The following ZDHHC2 variants were observed in gnomAD, a reference collection of about 807,000 sequenced individuals.
ZDHHC2 encodes the protein zDHHC palmitoyltransferase 2.
ZDHHC2 carries 51 observed loss-of-function variants against 55.6 expected under a neutral mutation model. The ratio of observed to expected loss-of-function variants is 0.92; its 90% CI spans 0.73 to 1.16. The LOEUF (loss-of-function observed/expected upper bound fraction) is 1.16, where lower values mean the gene tolerates loss of function less well. ZDHHC2 is among the 50% of genes most tolerant of loss of function. ZDHHC2 has a pLI of 0.00. For missense variants in ZDHHC2, 491 were observed against 442.4 expected, an observed-to-expected ratio of 1.11 and a Z score of -0.99; for synonymous variants, 199 against 152.9, an observed-to-expected ratio of 1.30 and a Z score of -2.22.
chr8:17,206,671 A>G (rs1408569442), intron 7 of ZDHHC2, among the ~76,000 whole-genome samples: 1 of 152,216 alleles, frequency 6.6e-6, no homozygotes, highest in Non-Finnish European at 1.5e-5. Flanking sequence ...TATGCTTTAT[A>G]CACTATATAT....
chr8:17,209,899 T>C (rs1244471876), intron 8 of ZDHHC2, 33 bp from the exon 9 acceptor site: 1 of 1,586,380 alleles, frequency 6.3e-7, no homozygotes, highest in East Asian at 2.3e-5. Flanking sequence ...ATATGTTCTT[T>C]ACTCATGTGA....
intron 6 of ZDHHC2, among the ~76,000 whole-genome samples, chr8:17,198,642 G>A (rs189693972): frequency 4.6e-5 from 7 of 152,218 alleles, no homozygotes; most frequent in African/African-American, 1.4e-4. Context: ...AGTTAATATC[G>A]CATGTTAGCT....
At chr8:17,169,876 C>G (rs1460743343) in intron 1 of ZDHHC2, among the ~76,000 whole-genome samples, 1 of 152,000 alleles carries the variant, frequency 6.6e-6, no homozygotes, top group Non-Finnish European at 1.5e-5. Context: ...TAGAACTTCT[C>G]ACTTACATTA....
intron 1 of ZDHHC2, among the ~76,000 whole-genome samples, chr8:17,162,279 A>G (rs1254893711): frequency 6.6e-6 from 1 of 152,226 alleles, no homozygotes; most frequent in African/African-American, 2.4e-5. Flanking sequence ...TAAATGTTGA[A>G]TGAATTAATC....
At position 17,201,479 on chromosome 8, in the gene ZDHHC2, CTCTTTTTTTTTTT is replaced by C. The variant is rs1168490006; in HGVS notation, c.476+3068_476+3080del. Among the ~76,000 whole-genome samples, 484 of 88,230 alleles carry C rather than the reference CTCTTTTTTTTTTT, an allele frequency of 5.5e-3. 10 individuals are homozygous for C. Among genetic ancestry groups the C allele is most frequent in the African/African-American group, 0.016 (462 of 28,760 alleles). 57.9% of individuals were successfully genotyped at this position (88,230 alleles called of 152,430 possible). A position where few individuals can be genotyped will look rare whatever the true frequency, so the allele number is the denominator to read the frequency against. ...CAGGGGCAGCCTTTTCTCTCTCTCT[CTCTTTTTTTTTTT>C]TTTTTTTTTTTTTTTTTTTAGATGG... On this transcript the variant is annotated intron_variant, in intron 6 of 12. Transcript: ENST00000262096.
In ZDHHC2 at chr8:17,217,209, T is replaced by C. The variant is rs748452793; in HGVS notation, c.1101T>C (p.Thr367=). The C allele has an allele frequency of 6.2e-7, 1 of 1,610,708 alleles. No individual in the cohort carries two copies. The stretch of plus-strand genomic sequence containing the variant: ...CTGCATTAACCATGGAAAATGAGAC[T>C]TAACTCTTCAAGCAAGATAAATTCA... ...SNPALTMENE[T] The change falls in exon 12 of 13, where the codon ACT becomes ACC. Residue 367 remains threonine (T), a synonymous_variant. Transcript: ENST00000262096.
intron 1 of ZDHHC2, among the ~76,000 whole-genome samples, chr8:17,173,264 A>C (rs532289165): frequency 6.6e-6 from 1 of 152,242 alleles, no homozygotes; most frequent in Non-Finnish European, 1.5e-5. Context: ...AGATCCCATC[A>C]TGACTTGGAT....
intron 1 of ZDHHC2, among the ~76,000 whole-genome samples, chr8:17,177,701 A>G (rs894851349): frequency 6.6e-6 from 1 of 151,996 alleles, no homozygotes; most frequent in Admixed American, 6.6e-5. Context: ...CTTGGCTATA[A>G]AGTTATCCTT....
At chr8:17,181,226 CTGTT>C (rs1398532871) in intron 1 of ZDHHC2, among the ~76,000 whole-genome samples, 1 of 152,144 alleles carries the variant, frequency 6.6e-6, no homozygotes, top group African/African-American at 2.4e-5. Context: ...TTGTCATGGT[CTGTT>C]TGTCTAAGTC....
At chr8:17,171,142 A>C (rs1804833273) in intron 1 of ZDHHC2, among the ~76,000 whole-genome samples, 1 of 151,864 alleles carries the variant, frequency 6.6e-6, no homozygotes, top group African/African-American at 2.4e-5. Context: ...ATTGGAAAGG[A>C]GGGGGGTGGG....
At chr8:17,159,304 T>C (rs1804215470) in intron 1 of ZDHHC2, among the ~76,000 whole-genome samples, 1 of 152,210 alleles carries the variant, frequency 6.6e-6, no homozygotes, top group Non-Finnish European at 1.5e-5. Context: ...ATTTTCCAAA[T>C]TTCTTCCATA....
intron 1 of ZDHHC2, among the ~76,000 whole-genome samples, chr8:17,172,060 G>T (rs150108840): frequency 6.6e-6 from 1 of 152,074 alleles, no homozygotes; most frequent in South Asian, 2.1e-4. Flanking sequence ...GAATTCGTCC[G>T]ATTGATAAAG....
chr8:17,198,059 T>G lies in ZDHHC2; in HGVS notation c.444-322T>G, dbSNP rs150005846. ...ATTGAAGGGGAAGTTTTATCCAGAC[T>G]TTCCGTAAATCCGTTGCAGTTTTGT... On this transcript the variant is annotated intron_variant, in intron 5 of 12. Transcript: ENST00000262096. Among the ~76,000 whole-genome samples the G allele has an allele frequency of 6.4e-3, 980 of 152,324 alleles. 8 individuals are homozygous for G. The highest frequency in any genetic ancestry group is 0.022 in the African/African-American group (920 of 41,562).
intron 2 of ZDHHC2, 79 bp from the exon 3 acceptor site, chr8:17,186,249 AAAC>A: frequency 1.1e-6 from 1 of 901,742 alleles, no homozygotes; most frequent in South Asian, 1.7e-5. Flanking sequence ...GGTTATTTTA[AAAC>A]AAGCAGATCG....
At chr8:17,199,509 T>TTCTTCTTCA (rs1297662337) in intron 6 of ZDHHC2, among the ~76,000 whole-genome samples, 1 of 121,116 alleles carries the variant, frequency 8.3e-6, no homozygotes, top group African/African-American at 3.7e-5. Context: ...CTTCTTCTTC[T>TTCTTCTTCA]TCTTCGTCTT....
Position 17,223,948 on chromosome 8 carries a change from A to G in ZDHHC2, c.*3727A>G, listed in dbSNP as rs1319434403. ...GAAATCAAGTAGGCTTGTTTCAAAG[A>G]GACTCCTGTGAATCAACTATGAATA... On this transcript the variant is annotated 3_prime_UTR_variant, in exon 13 of 13. Coordinates refer to ENST00000262096, the MANE Select transcript of ZDHHC2 (RefSeq NM_016353.5). 1.3e-5 allele frequency: 2 copies of G among 151,774 alleles called. No homozygotes were observed. Among genetic ancestry groups the G allele is most frequent in the African/African-American group, 4.8e-5 (2 of 41,416 alleles). 9.4% of individuals were successfully genotyped at this position (151,774 alleles called of 1,614,324 possible). A position where few individuals can be genotyped will look rare whatever the true frequency, so the allele number is the denominator to read the frequency against.
At chr8:17,164,456 G>A (rs1398869115) in intron 1 of ZDHHC2, among the ~76,000 whole-genome samples, 2 of 152,102 alleles carry the variant, frequency 1.3e-5, no homozygotes, top group Non-Finnish European at 2.9e-5. Flanking sequence ...CTGGTATCCT[G>A]AAGTTTCTCC....
At chr8:17,186,983 C>A (rs908155520) in intron 3 of ZDHHC2, among the ~76,000 whole-genome samples, 1 of 152,164 alleles carries the variant, frequency 6.6e-6, no homozygotes, top group Non-Finnish European at 1.5e-5. Flanking sequence ...TTGTAGCCAG[C>A]AGACCAAAGA....
At chr8:17,163,977 G>T (rs1804481225) in intron 1 of ZDHHC2, among the ~76,000 whole-genome samples, 1 of 151,986 alleles carries the variant, frequency 6.6e-6, no homozygotes, top group Non-Finnish European at 1.5e-5. Context: ...TATTATAATT[G>T]TCTTGATTGT....
Sources: gnomAD v4.1 joint callset for allele counts (sites outside exome capture counted in the v4.1 genomes callset) on GRCh38, gnomAD v4.1.1 for gene constraint, MANE v1.5 for transcripts, NCBI Gene and HGNC (gene_info 2026-07-23, HGNC 2026-07-21) for gene names.